HORMAD2: variants seen among roughly 807,000 people sequenced by gnomAD.
The protein encoded by HORMAD2 is HORMA domain-containing protein 2.
In HORMAD2, 45 loss-of-function variants were observed where a neutral mutation model predicts 38.8. The ratio of observed to expected loss-of-function variants is 1.16; its 90% CI spans 0.91 to 1.49. The LOEUF (loss-of-function observed/expected upper bound fraction) is 1.49. HORMAD2 is among the 40% of genes most tolerant of loss of function. The probability of loss-of-function intolerance (pLI) is 0.00; values close to 1 mark genes in which losing one functional copy is unlikely to be tolerated. For synonymous variants in HORMAD2, 126 were observed against 122.8 expected (o/e 1.03, Z -0.17); for missense variants, 338 against 367.0 (o/e 0.92, Z 0.65).
the HORMAD2 span, chr22:30,206,899 C>A: frequency 5.7e-6 from 2 of 351,606 alleles, no homozygotes; most frequent in Non-Finnish European, 1.2e-5. Context: ...TTCCTGGCAC[C>A]TCAAGTGACA....
intron 10 of HORMAD2, among the ~76,000 whole-genome samples, chr22:30,157,394 C>T (rs1183324301): frequency 6.6e-6 from 1 of 151,880 alleles, no homozygotes; most frequent in Non-Finnish European, 1.5e-5. Context: ...GACATTATGT[C>T]ACTAATCCTC....
intron 10 of HORMAD2, among the ~76,000 whole-genome samples, chr22:30,160,563 G>A (rs1366112388): frequency 6.6e-6 from 1 of 152,104 alleles, no homozygotes; most frequent in Non-Finnish European, 1.5e-5. Context: ...TTTTTGCAAG[G>A]ATGTAAAAGA....
downstream of HORMAD2, among the ~76,000 whole-genome samples, chr22:30,180,216 C>A (rs1206802388): frequency 6.6e-6 from 1 of 152,102 alleles, no homozygotes; most frequent in East Asian, 1.9e-4. Flanking sequence ...TCTGGACTTA[C>A]CTGTGCCATG....
chr22:30,085,145 CAA>C (rs745529780), intron 1 of HORMAD2, among the ~76,000 whole-genome samples: 2 of 105,894 alleles, frequency 1.9e-5, no homozygotes, highest in Non-Finnish European at 2.0e-5. Flanking sequence ...GACTCCGTCT[CAA>C]AAAAAAAAAA....
At chr22:30,145,913 A>T (rs1924383133) in intron 10 of HORMAD2, among the ~76,000 whole-genome samples, 1 of 152,226 alleles carries the variant, frequency 6.6e-6, no homozygotes. Context: ...ACTAAAACTG[A>T]AGACACTCCA....
intron 8 of HORMAD2, among the ~76,000 whole-genome samples, chr22:30,120,373 G>A (rs1230829626): frequency 6.6e-6 from 1 of 152,172 alleles, no homozygotes; most frequent in African/African-American, 2.4e-5. Context: ...AGGAGCTAAT[G>A]TATTCACTTA....
intron 10 of HORMAD2, among the ~76,000 whole-genome samples, chr22:30,173,639 T>C (rs924070369): frequency 6.6e-6 from 1 of 152,214 alleles, no homozygotes; most frequent in African/African-American, 2.4e-5. Flanking sequence ...TGGAGACTTT[T>C]AGTCGGCAGT....
At position 30,174,656 on chromosome 22, in the gene HORMAD2, C is replaced by A. The variant is rs537670709; in HGVS notation, c.820-1407C>A. On this transcript the variant is annotated intron_variant, in intron 10 of 10. Transcript: ENST00000336726. Reference sequence around the variant, plus strand: ...AACTGGTCAGTTGAGAATTCGTACACTCATCTTCTCTTCTTTCATGTGTAC... The same window carrying A: ...AACTGGTCAGTTGAGAATTCGTACAATCATCTTCTCTTCTTTCATGTGTAC... Among the ~76,000 whole-genome samples the A allele has an allele frequency of 2.0e-5, 3 of 152,282 alleles. No homozygotes were observed. The East Asian group carries it at 5.8e-4, about 29-fold the overall frequency.
chr22:30,201,783 G>A, the HORMAD2 span, among the ~76,000 whole-genome samples: 20 of 152,162 alleles, frequency 1.3e-4, no homozygotes, highest in East Asian at 3.3e-3. Context: ...TGTCTCTGAC[G>A]AGGCTACATC....
chr22:30,183,210 G>A, the HORMAD2 span, among the ~76,000 whole-genome samples: 1 of 152,210 alleles, frequency 6.6e-6, no homozygotes, highest in Non-Finnish European at 1.5e-5. Flanking sequence ...TAATACAGAT[G>A]TAAGGCGATT....
At chr22:30,128,266 C>T (rs1923020231) in intron 10 of HORMAD2, among the ~76,000 whole-genome samples, 1 of 152,124 alleles carries the variant, frequency 6.6e-6, no homozygotes, top group Admixed American at 6.6e-5. Flanking sequence ...CGCCGTCCCA[C>T]CATCCTATCA....
At chr22:30,134,258 G>A (rs767654633) in intron 10 of HORMAD2, among the ~76,000 whole-genome samples, 2 of 151,614 alleles carry the variant, frequency 1.3e-5, no homozygotes, top group African/African-American at 2.4e-5. Context: ...AATTAGCCAG[G>A]CATTGTGGCG....
At chr22:30,117,185 A>G (rs1380604803) in intron 7 of HORMAD2, among the ~76,000 whole-genome samples, 1 of 152,222 alleles carries the variant, frequency 6.6e-6, no homozygotes, top group Admixed American at 6.5e-5. Flanking sequence ...GTTAAGGTTT[A>G]AGATCAGCAG....
At chr22:30,088,218 C>T (rs544241864) in intron 1 of HORMAD2, among the ~76,000 whole-genome samples, 58 of 147,614 alleles carry the variant, frequency 3.9e-4, no homozygotes, top group Non-Finnish European at 1.3e-4. Flanking sequence ...CATATATACA[C>T]ATATATACAT....
chr22:30,108,073 T>G (rs1921338711), intron 5 of HORMAD2, among the ~76,000 whole-genome samples: 1 of 151,916 alleles, frequency 6.6e-6, no homozygotes, highest in African/African-American at 2.4e-5. Context: ...GTTTCAATTT[T>G]GGGTGATTTT....
chr22:30,118,600 G>A (rs559342151), intron 7 of HORMAD2, among the ~76,000 whole-genome samples: 20 of 152,216 alleles, frequency 1.3e-4, no homozygotes, highest in East Asian at 9.6e-4. Flanking sequence ...TTTCTGTCTT[G>A]TTCACCGCTG....
the HORMAD2 span, among the ~76,000 whole-genome samples, chr22:30,191,441 C>T: frequency 6.6e-6 from 1 of 152,048 alleles, no homozygotes; most frequent in African/African-American, 2.4e-5. Context: ...GTGGGGGACT[C>T]CAGCAGTGGG....
chr22:30,163,655 T>C (rs1448556956), intron 10 of HORMAD2, among the ~76,000 whole-genome samples: 1 of 152,118 alleles, frequency 6.6e-6, no homozygotes, highest in African/African-American at 2.4e-5. Context: ...CTCAAACCAC[T>C]GAGCTCAAGT....
the HORMAD2 span, among the ~76,000 whole-genome samples, chr22:30,203,166 G>A: frequency 6.6e-6 from 1 of 152,154 alleles, no homozygotes; most frequent in African/African-American, 2.4e-5. Context: ...AGGCCGAGGC[G>A]GGTGGATCAT....
Sources: allele counts gnomAD v4.1 joint callset (sites outside exome capture counted in the v4.1 genomes callset), GRCh38; gene constraint gnomAD v4.1.1; transcripts MANE v1.5; gene names NCBI Gene and HGNC (gene_info 2026-07-23, HGNC 2026-07-21).